WDR7: variants seen among roughly 807,000 people sequenced by gnomAD.
WDR7 encodes the protein WD repeat-containing protein 7.
Under a neutral mutation model 169.4 loss-of-function variants are expected in WDR7, and 46 were observed. The ratio of observed to expected loss-of-function variants is 0.27; its 90% CI spans 0.21 to 0.35. The LOEUF is 0.35. Among genes scored for constraint, WDR7 ranks in the 10% least tolerant of loss-of-function variants. The probability of loss-of-function intolerance (pLI) is 1.00; values close to 1 mark genes in which losing one functional copy is unlikely to be tolerated. For synonymous variants in WDR7, 612 were observed against 666.8 expected, an observed-to-expected ratio of 0.92 and a Z score of 1.27; for missense variants, 1,534 against 1,859.3, an observed-to-expected ratio of 0.83 and a Z score of 3.22.
At chr18:56,943,338 G>C (rs2047058146) in intron 25 of WDR7, among the ~76,000 whole-genome samples, 1 of 151,222 alleles carries the variant, frequency 6.6e-6, no homozygotes, top group African/African-American at 2.4e-5. Context: ...ATATAGTTTT[G>C]TATTCTTTTT....
intron 15 of WDR7, among the ~76,000 whole-genome samples, chr18:56,757,835 G>C (rs141071907): frequency 1.3e-5 from 2 of 152,084 alleles, no homozygotes; most frequent in African/African-American, 4.8e-5. Flanking sequence ...GGGCATGGTG[G>C]TTACATGCAT....
At chr18:56,792,765 A>AACACACACACACACAC (rs10551903) in intron 19 of WDR7, among the ~76,000 whole-genome samples, 21 of 147,680 alleles carry the variant, frequency 1.4e-4, no homozygotes, top group Non-Finnish European at 2.5e-4. Flanking sequence ...TATTTTCTTT[A>AACACACACACACACAC]ACACACACAC....
intron 26 of WDR7, among the ~76,000 whole-genome samples, chr18:57,010,517 A>G (rs945296258): frequency 3.3e-5 from 5 of 150,240 alleles, no homozygotes; most frequent in African/African-American, 9.7e-5. Context: ...AAAGTTGTAC[A>G]GTACAAACAT....
intron 21 of WDR7, among the ~76,000 whole-genome samples, chr18:56,888,185 C>T (rs770529770): frequency 1.3e-5 from 2 of 152,152 alleles, no homozygotes; most frequent in Non-Finnish European, 2.9e-5. Context: ...GACACTGATG[C>T]GTAATTCAAA....
At chr18:56,910,375 G>A (rs1439930714) in intron 21 of WDR7, among the ~76,000 whole-genome samples, 1 of 152,118 alleles carries the variant, frequency 6.6e-6, no homozygotes, top group African/African-American at 2.4e-5. Context: ...TAATTTTTGG[G>A]GAAGTTGATA....
At chr18:56,978,664 T>C (rs956787804) in intron 26 of WDR7, among the ~76,000 whole-genome samples, 1 of 152,220 alleles carries the variant, frequency 6.6e-6, no homozygotes, top group African/African-American at 2.4e-5. Context: ...GAGTTCCTTT[T>C]ATGTAAATTC....
intron 12 of WDR7, among the ~76,000 whole-genome samples, chr18:56,697,167 A>G (rs1247835790): frequency 6.6e-6 from 1 of 152,206 alleles, no homozygotes; most frequent in African/African-American, 2.4e-5. Flanking sequence ...TTGTTTGCAC[A>G]TATAGAGACA....
chr18:56,691,862 A>G (rs1015593273), intron 9 of WDR7, 45 bp downstream of exon 9: 10 of 1,449,966 alleles, frequency 6.9e-6, no homozygotes, highest in Admixed American at 1.9e-5. Context: ...TTACATTGAA[A>G]AACTTCTACA....
At chr18:56,834,198 G>C (rs1448594759) in intron 20 of WDR7, among the ~76,000 whole-genome samples, 1 of 152,122 alleles carries the variant, frequency 6.6e-6, no homozygotes, top group Non-Finnish European at 1.5e-5. Flanking sequence ...TCTCTACTAG[G>C]TGCCAGCAAG....
At chr18:56,977,867 G>A (rs2047589510) in intron 26 of WDR7, among the ~76,000 whole-genome samples, 1 of 152,188 alleles carries the variant, frequency 6.6e-6, no homozygotes, top group Non-Finnish European at 1.5e-5. Flanking sequence ...GTCTCTGGGT[G>A]AAAGTCCCAG....
chr18:56,759,460 TGGA>T (rs1177242048), intron 16 of WDR7, among the ~76,000 whole-genome samples: 1 of 152,168 alleles, frequency 6.6e-6, no homozygotes, highest in African/African-American at 2.4e-5. Flanking sequence ...CATTAGGAGA[TGGA>T]GGAGAAGAAA....
intron 19 of WDR7, among the ~76,000 whole-genome samples, chr18:56,791,330 A>T (rs1163521357): frequency 2.0e-5 from 3 of 152,224 alleles, no homozygotes; most frequent in Non-Finnish European, 2.9e-5. Flanking sequence ...TAATTAAATT[A>T]CATCTTTCTA....
chr18:56,737,094 A>G (rs2026717033), intron 14 of WDR7, among the ~76,000 whole-genome samples: 1 of 152,210 alleles, frequency 6.6e-6, no homozygotes, highest in African/African-American at 2.4e-5. Flanking sequence ...AGGTAGAGCC[A>G]TCTTTTTTTC....
intron 20 of WDR7, among the ~76,000 whole-genome samples, chr18:56,819,400 T>G (rs1319832000): frequency 6.6e-6 from 1 of 152,194 alleles, no homozygotes; most frequent in African/African-American, 2.4e-5. Flanking sequence ...CTATCTCTCT[T>G]TTTAAAGCTA....
chr18:56,939,201 A>G, intron 24 of WDR7, 110 bp from the exon 25 acceptor site: 1 of 677,898 alleles, frequency 1.5e-6, no homozygotes, highest in East Asian at 3.2e-5. Context: ...TAAATACTAA[A>G]ATAAAGCTAT....
In WDR7 at chr18:56,715,108, G is replaced by T. The variant is rs74888950; in HGVS notation, c.1579-2856G>T. The stretch of plus-strand genomic sequence containing the variant: ...AAGTTCTGACAGGGAAACTTCTCAT[G>T]AGGGGTTGATAATGCGGAAGGTCAA... On this transcript the variant is annotated intron_variant, in intron 12 of 27. Coordinates refer to ENST00000254442, the MANE Select transcript of WDR7 (RefSeq NM_015285.3). Among the ~76,000 whole-genome samples, 413 of 152,276 alleles carry T rather than the reference G, an allele frequency of 2.7e-3. 4 individuals are homozygous for T. In the East Asian group the frequency reaches 0.037, roughly 13 times the overall value.
At chr18:56,679,264 G>A in intron 2 of WDR7, 68 bp from the exon 3 acceptor site, 2 of 1,306,350 alleles carry the variant, frequency 1.5e-6, no homozygotes, top group Non-Finnish European at 2.2e-6. Context: ...CTATGGCTAA[G>A]CTGACACTCA....
At chr18:56,975,860 A>G (rs1417082167) in intron 26 of WDR7, among the ~76,000 whole-genome samples, 1 of 152,174 alleles carries the variant, frequency 6.6e-6, no homozygotes, top group Non-Finnish European at 1.5e-5. Context: ...CCTGGTCTTC[A>G]GATTTTTCAA....
intron 20 of WDR7, among the ~76,000 whole-genome samples, chr18:56,836,285 A>G (rs1224958945): frequency 6.6e-6 from 1 of 152,156 alleles, no homozygotes; most frequent in Non-Finnish European, 1.5e-5. Flanking sequence ...GAAAATATAC[A>G]ACAAACGAAA....
Sources: gnomAD v4.1 joint callset for allele counts (sites outside exome capture counted in the v4.1 genomes callset) on GRCh38, gnomAD v4.1.1 for gene constraint, MANE v1.5 for transcripts, NCBI Gene and HGNC (gene_info 2026-07-23, HGNC 2026-07-21) for gene names.